Variants in ZNF83 observed in about 807,000 individuals in gnomAD.
The protein encoded by ZNF83 is zinc finger protein 83.
For synonymous variants in ZNF83, 209 were observed against 213.0 expected (o/e 0.98, Z 0.17); for missense variants, 552 against 629.9 (o/e 0.88, Z 1.32).
rs186220396 is a variant in ZNF83 at position 52,612,979 on chromosome 19, A to T, written c.*35T>A. 765 of 1,511,884 alleles carry T rather than the reference A, an allele frequency of 5.1e-4. 6 individuals are homozygous for T. The African/African-American group carries it at 9.6e-3, about 19-fold the overall frequency. 93.7% of individuals were successfully genotyped at this position (1,511,884 alleles called of 1,614,324 possible). A position where few individuals can be genotyped will look rare whatever the true frequency, so the allele number is the denominator to read the frequency against. ...TCCAGTATAAATTATTGTATGTCTT[A>T]CAAGGCTTTAATGCTAACTGAACAC... is the stretch of plus-strand genomic sequence containing the variant. On this transcript the variant is annotated 3_prime_UTR_variant, in exon 3 of 3. Transcript: ENST00000301096.
At chr19:52,631,407 T>C (rs1429294519) in intron 2 of ZNF83, among the ~76,000 whole-genome samples, 1 of 152,212 alleles carries the variant, frequency 6.6e-6, no homozygotes, top group South Asian at 2.1e-4. Context: ...AGGCTGGCCA[T>C]GATGTCTGCG....
intron 3 of ZNF83, chr19:52,655,217 C>T (rs1600233527): frequency 8.2e-6 from 2 of 244,198 alleles, no homozygotes; most frequent in Admixed American, 1.0e-4. Flanking sequence ...AGCAGAATCA[C>T]AGCTGGAAAC....
At chr19:52,644,022 G>T (rs1157282455) in intron 3 of ZNF83, among the ~76,000 whole-genome samples, 3 of 152,148 alleles carry the variant, frequency 2.0e-5, no homozygotes, top group African/African-American at 4.8e-5. Flanking sequence ...AGTGAGGAGT[G>T]GGGCTTTTGT....
At chr19:52,661,325 T>C (rs1351173164) in intron 1 of ZNF83, among the ~76,000 whole-genome samples, 1 of 152,124 alleles carries the variant, frequency 6.6e-6, no homozygotes, top group East Asian at 1.9e-4. Flanking sequence ...TTTTGACCCA[T>C]TTTCAGATCT....
At chr19:52,653,412 A>G (rs1429321499) in intron 3 of ZNF83, 1 of 864,912 alleles carries the variant, frequency 1.2e-6, no homozygotes, top group South Asian at 1.3e-5. Context: ...GTTTCTCTTC[A>G]GTATGAACTC....
chr19:52,676,350 G>A (rs1207099540), intron 1 of ZNF83, among the ~76,000 whole-genome samples: 4 of 152,218 alleles, frequency 2.6e-5, no homozygotes, highest in East Asian at 1.9e-4. Flanking sequence ...CCTCCCAGCC[G>A]CCTGCCTTGG....
intron 1 of ZNF83, chr19:52,636,020 C>T (rs1340383868): frequency 6.7e-6 from 1 of 149,156 alleles, no homozygotes; most frequent in Non-Finnish European, 1.5e-5. Context: ...ATGTAGACCA[C>T]GTGCGGTGGC....
chr19:52,635,954 T>C (rs1218950710), intron 1 of ZNF83: 1 of 146,246 alleles, frequency 6.8e-6, no homozygotes, highest in Non-Finnish European at 1.5e-5. Flanking sequence ...ATCACGCCAC[T>C]GCACTCCAGC....
chr19:52,614,583 A>T (rs1294581192), exon 3 of ZNF83: 6 of 1,560,736 alleles, frequency 3.8e-6, no homozygotes, highest in Non-Finnish European at 5.2e-6. Flanking sequence ...TACCAATGAG[A>T]CTTTCCTTAT....
At position 52,687,456 on chromosome 19, in the gene ZNF83, A is replaced by T. The variant is rs1293383934; in HGVS notation, c.-283+2987T>A. 1.9e-3 allele frequency among the ~76,000 whole-genome samples: 163 copies of T among 86,794 alleles called. 1 individual carries two copies. Among genetic ancestry groups the T allele is most frequent in the African/African-American group, 9.7e-3 (151 of 15,490 alleles). The allele number at this position is 86,794 out of a possible 152,430, so 56.9% of individuals were successfully genotyped here. A position where few individuals can be genotyped will look rare whatever the true frequency, so the allele number is the denominator to read the frequency against. ...TTTATATAGCTATATAAATTATAAT[A>T]TAAATTATAATTTATATATCTATAT... On this transcript the variant is annotated intron_variant, in intron 1 of 5. Transcript: ENST00000594682.
intron 1 of ZNF83, among the ~76,000 whole-genome samples, chr19:52,661,296 G>T (rs2061577006): frequency 6.6e-6 from 1 of 152,104 alleles, no homozygotes; most frequent in African/African-American, 2.4e-5. Context: ...AAGCCCCACA[G>T]GAAGACCTAC....
At chr19:52,618,483 C>T (rs73582288) in intron 2 of ZNF83, 59,191 of 161,776 alleles carry the variant, frequency 0.37, 11,127 homozygotes, top group Middle Eastern at 0.5. Flanking sequence ...AGGATGGTCT[C>T]GATCTCCTGA....
At chr19:52,677,067 G>C (rs545506983) in intron 1 of ZNF83, among the ~76,000 whole-genome samples, 2 of 143,422 alleles carry the variant, frequency 1.4e-5, no homozygotes, top group Admixed American at 7.1e-5. Context: ...TCCCTCCACT[G>C]TTGTCCTATG....
chr19:52,647,655 C>G (rs1365564789), intron 3 of ZNF83, among the ~76,000 whole-genome samples: 1 of 151,548 alleles, frequency 6.6e-6, no homozygotes, highest in Non-Finnish European at 1.5e-5. Flanking sequence ...CTCTCTAGCT[C>G]TTTTTTTTCT....
intron 2 of ZNF83, among the ~76,000 whole-genome samples, chr19:52,634,420 C>T (rs1165014395): frequency 6.6e-6 from 1 of 152,160 alleles, no homozygotes; most frequent in East Asian, 1.9e-4. Flanking sequence ...CTTAACACCA[C>T]AATCTCCACG....
In ZNF83 at chr19:52,686,021, C is replaced by A. The variant is rs543749829; in HGVS notation, c.-283+4422G>T. Among the ~76,000 whole-genome samples, 10 of 151,650 alleles carry A rather than the reference C, an allele frequency of 6.6e-5. No individual in the cohort carries two copies. The East Asian group carries it at 1.9e-3, about 30-fold the overall frequency. ...CAGAGGGCCTTGAGGGAAACATGAA[C>A]TTAATAGCTCCCAGCTCAAGATTTT... On this transcript the variant is annotated intron_variant, in intron 1 of 5. Coordinates refer to the ZNF83 transcript ENST00000594682.
chr19:52,613,084 AAG>A (rs1228071884), exon 3 of ZNF83: 6 of 1,613,646 alleles, frequency 3.7e-6, no homozygotes, highest in Non-Finnish European at 4.2e-6. Flanking sequence ...ATTGTCGCGG[AAG>A]AGTTTGCCAC....
rs758916590 is a variant in ZNF83, at chr19:52,613,126, G to A, written c.1439C>T (p.Thr480Ile). The A allele has an allele frequency of 1.9e-6, 3 of 1,614,062 alleles. No homozygotes were observed. The South Asian group carries it at 3.3e-5, about 18-fold the overall frequency. The change falls in exon 3 of 3, where the codon ACT becomes ATT. Residue 480 changes from threonine to isoleucine, a missense_variant. Thr to Ile is a moderately conservative substitution (Grantham distance 89). Transcript: ENST00000301096. ...ATTACATTTGAAATGTTTCTCTCCA[G>A]TGTGGATCGCATGATGATTAGTGAG...
intron 3 of ZNF83, among the ~76,000 whole-genome samples, chr19:52,643,995 C>A (rs1301796597): frequency 1.3e-5 from 2 of 152,106 alleles, no homozygotes; most frequent in African/African-American, 4.8e-5. Flanking sequence ...GCCCTGGACA[C>A]AGGGCTGTGG....
Sources: allele counts gnomAD v4.1 joint callset (sites outside exome capture counted in the v4.1 genomes callset), GRCh38; gene constraint gnomAD v4.1.1; transcripts MANE v1.5; gene names NCBI Gene and HGNC (gene_info 2026-07-23, HGNC 2026-07-21).